HAUS6: variants seen among roughly 807,000 people sequenced by gnomAD.
The protein encoded by HAUS6 is HAUS augmin-like complex subunit 6.
HAUS6 carries 80 observed loss-of-function variants against 106.8 expected under a neutral mutation model. The ratio of observed to expected loss-of-function variants is 0.75; its 90% CI spans 0.63 to 0.90. The LOEUF (loss-of-function observed/expected upper bound fraction) is 0.90, where lower values mean the gene tolerates loss of function less well. Among genes scored for constraint, HAUS6 ranks in the 40% least tolerant of loss-of-function variants. The pLI is 0.00. For missense variants in HAUS6, 1,155 were observed against 1,118.1 expected, an observed-to-expected ratio of 1.03 and a Z score of -0.47; for synonymous variants, 356 against 379.1, an observed-to-expected ratio of 0.94 and a Z score of 0.71.
At chr9:19,086,584 C>T in intron 7 of HAUS6, 150 bp downstream of exon 7, 1 of 465,142 alleles carries the variant, frequency 2.1e-6, no homozygotes. Flanking sequence ...CATGCCACTG[C>T]ACTCCAGCCT....
chr9:19,098,478 C>G (rs35004770), intron 1 of HAUS6, among the ~76,000 whole-genome samples: 5,679 of 151,284 alleles, frequency 0.038, 118 homozygotes, highest in Non-Finnish European at 0.051. Flanking sequence ...AAATTTATAT[C>G]TATTCTCTTC....
At chr9:19,056,494 A>T (rs1472098674) in intron 16 of HAUS6, 90 bp from the exon 17 acceptor site, 6 of 740,130 alleles carry the variant, frequency 8.1e-6, no homozygotes, top group Non-Finnish European at 1.2e-5. Context: ...AGTCAATACA[A>T]AAAAGGTTCA....
chr9:19,076,604 G>A lies in HAUS6; in HGVS notation c.1292C>T (p.Pro431Leu), dbSNP rs754556310. Residue 431 changes from proline to leucine, a missense_variant and splice_region_variant, in exon 11 of 17, where the codon CCA (proline) becomes CTA (leucine). Transcript: ENST00000380502. ...SILCQYPASL[P>L]DAHKQHNQEN... is the part of the protein sequence containing the mutation. ...AAAAAAATAAATAAATAACCAACCT[G>A]GAAGTGAAGCAGGATACTGACAAAG... 1 of 1,487,642 alleles carries A rather than the reference G, an allele frequency of 6.7e-7. No individual in the cohort carries two copies. The highest frequency in any genetic ancestry group is 2.3e-5 in the East Asian group (1 of 44,168). 92.2% of individuals were successfully genotyped at this position (1,487,642 alleles called of 1,614,324 possible).
At chr9:19,074,313 C>T (rs1836943292) in intron 11 of HAUS6, among the ~76,000 whole-genome samples, 1 of 152,094 alleles carries the variant, frequency 6.6e-6, no homozygotes, top group South Asian at 2.1e-4. Context: ...GTTGTCCAGG[C>T]TAGAGCATTG....
chr9:19,069,140 A>G (rs1484512870), intron 12 of HAUS6, among the ~76,000 whole-genome samples: 1 of 152,210 alleles, frequency 6.6e-6, no homozygotes, highest in Non-Finnish European at 1.5e-5. Flanking sequence ...ACCAAATGGC[A>G]CTATAGGATG....
At chr9:19,086,547 G>A (rs1206151400) in intron 7 of HAUS6, among the ~76,000 whole-genome samples, 187 bp downstream of exon 7, 1 of 151,126 alleles carries the variant, frequency 6.6e-6, no homozygotes, top group Non-Finnish European at 1.5e-5. Context: ...TTGAACTCAA[G>A]AGGCAGAGGG....
intron 1 of HAUS6, 128 bp from the exon 2 acceptor site, chr9:19,096,897 A>G (rs959934334): frequency 1.9e-5 from 9 of 474,206 alleles, no homozygotes; most frequent in Non-Finnish European, 3.4e-5. Flanking sequence ...AGGCAAATTA[A>G]TTTTTCTCAT....
chr9:19,074,603 G>A (rs762875545), intron 11 of HAUS6, among the ~76,000 whole-genome samples: 1 of 151,882 alleles, frequency 6.6e-6, no homozygotes, highest in South Asian at 2.1e-4. Context: ...TTCTCTTCTG[G>A]TTGCACCTAA....
chr9:19,063,581 C>G lies in HAUS6; in HGVS notation c.1377-1G>C, dbSNP rs781385876. Reference sequence around the variant, plus strand: ...TGACTGCGACAAGAAAGAGGCAGGGCTAAAAGGAAAAAAGACAACAAATCC... The same window carrying G: ...TGACTGCGACAAGAAAGAGGCAGGGGTAAAAGGAAAAAAGACAACAAATCC... On this transcript the variant is annotated splice_acceptor_variant, in intron 12 of 16. Coordinates refer to ENST00000380502, the MANE Select transcript of HAUS6 (RefSeq NM_017645.5). LOFTEE classifies it high-confidence loss of function. 6.3e-7 allele frequency: 1 copy of G among 1,599,802 alleles called. No homozygotes were observed. Among genetic ancestry groups the G allele is most frequent in the Non-Finnish European group, 8.6e-7 (1 of 1,167,076 alleles).
chr9:19,084,635 C>A (rs1487675094), intron 7 of HAUS6, among the ~76,000 whole-genome samples: 2 of 138,834 alleles, frequency 1.4e-5, no homozygotes, highest in African/African-American at 5.4e-5. Context: ...TTTCTTTTTT[C>A]TTTTTTTTTT....
rs988279567 is a variant in HAUS6 at position 19,102,535 on chromosome 9, C to A, written c.117G>T (p.Thr39=). 8 of 1,613,384 alleles carry A rather than the reference C, an allele frequency of 5.0e-6. No homozygotes were observed. The highest frequency in any genetic ancestry group is 1.3e-5 in the African/African-American group (1 of 74,932). Residue 39 remains threonine (T), a synonymous_variant, in exon 1 of 17, where the codon ACG becomes ACT. Coordinates refer to ENST00000380502, the MANE Select transcript of HAUS6 (RefSeq NM_017645.5). Reference sequence around the variant, plus strand: ...CCCGGCCTCCTTACACTCCGAGGTGCGTGTGCGACACGATCTTTCCGCAGG... The same window carrying A: ...CCCGGCCTCCTTACACTCCGAGGTGAGTGTGCGACACGATCTTTCCGCAGG... ...TIACGKIVSH[T]HLGVNMFDKL...
chr9:19,080,360 G>T, intron 9 of HAUS6, 119 bp downstream of exon 9: 2 of 651,424 alleles, frequency 3.1e-6, no homozygotes, highest in Non-Finnish European at 2.7e-6. Context: ...TAAGATTTTT[G>T]AGTATTAGAA....
intron 10 of HAUS6, among the ~76,000 whole-genome samples, chr9:19,077,283 C>T (rs1837030518): frequency 1.3e-5 from 2 of 152,180 alleles, no homozygotes; most frequent in African/African-American, 4.8e-5. Context: ...GCCCATAATC[C>T]CAGCACTTTG....
At chr9:19,094,687 G>C (rs1193613179) in intron 2 of HAUS6, among the ~76,000 whole-genome samples, 1 of 151,956 alleles carries the variant, frequency 6.6e-6, no homozygotes, top group Non-Finnish European at 1.5e-5. Context: ...AGCTACTCGG[G>C]AGCTGAGGCA....
rs745890823 is a variant in HAUS6 at position 19,056,382 on chromosome 9, G to A, written c.2829C>T (p.Ser943=). 23 of 1,554,032 alleles carry A rather than the reference G, an allele frequency of 1.5e-5. No individual in the cohort carries two copies. The highest frequency in any genetic ancestry group is 2.0e-5 in the Non-Finnish European group (22 of 1,126,346). The change falls in exon 17 of 17, where the codon AGC becomes AGT. Residue 943 remains serine (S), a synonymous_variant. Coordinates refer to ENST00000380502, the MANE Select transcript of HAUS6 (RefSeq NM_017645.5). The part of the protein sequence containing the change: ...NLKEEDILNK[S]LDAKEPPSDL... The stretch of plus-strand genomic sequence containing the variant: ...CAGACGGTGGTTCTTTTGCATCAAG[G>A]CTCTTATTCAAAATGTCTTCTTCTG...
rs1174202645 is a variant in HAUS6 at position 19,053,282 on chromosome 9, ATG to A, written c.*3059_*3060del. ...GAAAAAGGTGATCTCTAGAGCAACT[ATG>A]TATCTGCAACATAAAAGAAACATTT... On this transcript the variant is annotated 3_prime_UTR_variant, in exon 17 of 17. Coordinates refer to ENST00000380502, the MANE Select transcript of HAUS6 (RefSeq NM_017645.5). 6.6e-6 allele frequency: 1 copy of A among 152,200 alleles called. No individual in the cohort carries two copies. Among genetic ancestry groups the A allele is most frequent in the African/African-American group, 2.4e-5 (1 of 41,470 alleles). The allele number at this position is 152,200 out of a possible 1,614,324, so 9.4% of individuals were successfully genotyped here.
intron 10 of HAUS6, among the ~76,000 whole-genome samples, chr9:19,077,959 G>T (rs1013701481): frequency 6.6e-6 from 1 of 152,048 alleles, no homozygotes; most frequent in African/African-American, 2.4e-5. Flanking sequence ...TACTCAGAAG[G>T]CTGAGGTGGG....
chr9:19,084,531 A>G (rs16937320), intron 7 of HAUS6, among the ~76,000 whole-genome samples: 12,267 of 152,188 alleles, frequency 0.081, 540 homozygotes, highest in East Asian at 0.1. Flanking sequence ...CAGAATTTAC[A>G]AAAGAGGGAG....
chr9:19,079,878 C>G (rs1330200739), intron 9 of HAUS6, among the ~76,000 whole-genome samples: 1 of 144,308 alleles, frequency 6.9e-6, no homozygotes, highest in Non-Finnish European at 1.5e-5. Flanking sequence ...AAGACTCTGT[C>G]TCAAAAAAAA....
Sources: gnomAD v4.1 joint callset for allele counts (sites outside exome capture counted in the v4.1 genomes callset) on GRCh38, gnomAD v4.1.1 for gene constraint, MANE v1.5 for transcripts, NCBI Gene and HGNC (gene_info 2026-07-23, HGNC 2026-07-21) for gene names.